The following ADAMTS16 variants were observed in gnomAD, a reference collection of about 807,000 sequenced individuals.
ADAMTS16 encodes ADAM metallopeptidase with thrombospondin type 1 motif 16.
A neutral mutation model predicts 145.8 loss-of-function variants in ADAMTS16; 94 were observed. The ratio of observed to expected loss-of-function variants is 0.64; its 90% CI spans 0.55 to 0.77. ADAMTS16 has a LOEUF of 0.77. Ranked by LOEUF, ADAMTS16 falls within the 30% of genes least tolerant of loss-of-function variation. The probability of loss-of-function intolerance (pLI) is 0.00; values close to 1 mark genes in which losing one functional copy is unlikely to be tolerated. For missense variants in ADAMTS16, 1,585 were observed against 1,591.5 expected (o/e 1.00, Z 0.07); for synonymous variants, 659 against 604.3 (o/e 1.09, Z -1.33).
At chr5:5,305,855 T>A (rs571300317) in intron 20 of ADAMTS16, among the ~76,000 whole-genome samples, 3 of 152,334 alleles carry the variant, frequency 2.0e-5, no homozygotes, top group Admixed American at 6.5e-5. Context: ...CAGTCTGTGG[T>A]GGGACAGTGT....
At chr5:5,152,414 G>A (rs952574406) in intron 3 of ADAMTS16, among the ~76,000 whole-genome samples, 3 of 152,218 alleles carry the variant, frequency 2.0e-5, no homozygotes, top group Non-Finnish European at 4.4e-5. Context: ...GGCCTGATAA[G>A]CCTGGAGAGT....
intron 3 of ADAMTS16, among the ~76,000 whole-genome samples, chr5:5,177,122 A>T (rs983286700): frequency 1.4e-4 from 21 of 152,214 alleles, no homozygotes; most frequent in African/African-American, 5.1e-4. Context: ...ATATGTGCTG[A>T]TATCACTGCA....
intron 4 of ADAMTS16, 104 bp from the exon 5 acceptor site, chr5:5,185,948 T>A: frequency 1.1e-6 from 1 of 912,982 alleles, no homozygotes; most frequent in Non-Finnish European, 1.7e-6. Context: ...GTGGTTTTTA[T>A]CATGAGTGTT....
At chr5:5,178,792 G>A (rs1735263238) in intron 3 of ADAMTS16, among the ~76,000 whole-genome samples, 1 of 152,168 alleles carries the variant, frequency 6.6e-6, no homozygotes, top group Non-Finnish European at 1.5e-5. Flanking sequence ...GGAAAGGAGA[G>A]ATGGTTCTGA....
chr5:5,230,908 T>G (rs1736901518), intron 11 of ADAMTS16, among the ~76,000 whole-genome samples: 1 of 152,198 alleles, frequency 6.6e-6, no homozygotes. Flanking sequence ...CCAAGAGAGA[T>G]TTTCCCAGAA....
chr5:5,245,555 C>T (rs138266378), intron 17 of ADAMTS16, among the ~76,000 whole-genome samples: 2 of 152,172 alleles, frequency 1.3e-5, no homozygotes, highest in African/African-American at 4.8e-5. Context: ...GAATTTGAAA[C>T]GTTTAAATCA....
At chr5:5,300,905 T>C (rs558858859) in intron 18 of ADAMTS16, among the ~76,000 whole-genome samples, 1 of 152,304 alleles carries the variant, frequency 6.6e-6, no homozygotes, top group East Asian at 1.9e-4. Context: ...CTGGATCTCC[T>C]GGAGCTTGAG....
At position 5,239,904 on chromosome 5, in the gene ADAMTS16, C is replaced by A. The variant is rs72647759; in HGVS notation, c.2502C>A (p.Thr834=). The change falls in exon 16 of 23, where the codon ACC becomes ACA. Residue 834 remains threonine (T), a synonymous_variant. Coordinates refer to ENST00000274181, the MANE Select transcript of ADAMTS16 (RefSeq NM_139056.4). The stretch of plus-strand genomic sequence containing the variant: ...AGAACTTAATCGCTACTGGACCAAC[C>A]AACGAGACACTGATTGTGGAGGTAA... The part of the protein sequence containing the change: ...EPENLIATGP[T]NETLIVELLF... The A allele has an allele frequency of 4.1e-3, 6,586 of 1,613,912 alleles. 23 individuals carry two copies. The highest frequency in any genetic ancestry group is 4.8e-3 in the Non-Finnish European group (5,669 of 1,179,986).
chr5:5,319,111 CA>C lies in ADAMTS16; in HGVS notation c.3650del (p.Lys1217ArgfsTer51). ...SHKFYGKQCCKTCSKSNL is the reference protein window; with the variant it reads ...SHKFYGKQCCXTCSKSNL Reference sequence around the variant, plus strand: ...ACAAGTTCTACGGCAAGCAGTGCTGCAAGACTTGCTCTAAGTCCAACTTGTG... The same window carrying C: ...ACAAGTTCTACGGCAAGCAGTGCTGCAGACTTGCTCTAAGTCCAACTTGTG... On this transcript the variant is annotated frameshift_variant, in exon 23 of 23. Coordinates refer to ENST00000274181, the MANE Select transcript of ADAMTS16 (RefSeq NM_139056.4). LOFTEE classifies it high-confidence loss of function. 6.2e-7 allele frequency: 1 copy of C among 1,612,426 alleles called. No individual in the cohort carries two copies. Among genetic ancestry groups the C allele is most frequent in the South Asian group, 1.1e-5 (1 of 90,536 alleles).
At chr5:5,149,622 G>A (rs1460100319) in intron 3 of ADAMTS16, among the ~76,000 whole-genome samples, 1 of 152,138 alleles carries the variant, frequency 6.6e-6, no homozygotes, top group Non-Finnish European at 1.5e-5. Context: ...GTATCATTCA[G>A]TAGTTTTTAG....
intron 18 of ADAMTS16, among the ~76,000 whole-genome samples, chr5:5,276,554 G>T (rs1738705007): frequency 6.6e-6 from 1 of 152,214 alleles, no homozygotes; most frequent in Admixed American, 6.5e-5. Context: ...GACCTATGAT[G>T]CAGAGTTCCT....
chr5:5,312,710 G>A (rs1279560348), intron 21 of ADAMTS16, among the ~76,000 whole-genome samples: 4 of 152,058 alleles, frequency 2.6e-5, no homozygotes, highest in South Asian at 2.1e-4. Context: ...CGCCCACTTC[G>A]GCTTCCCAAA....
At chr5:5,314,023 T>C (rs1331252936) in intron 21 of ADAMTS16, among the ~76,000 whole-genome samples, 1 of 152,218 alleles carries the variant, frequency 6.6e-6, no homozygotes, top group Admixed American at 6.5e-5. Flanking sequence ...GGAGTTTATA[T>C]TTGTAACCAG....
At chr5:5,259,198 A>G (rs1737907782) in intron 17 of ADAMTS16, among the ~76,000 whole-genome samples, 2 of 152,170 alleles carry the variant, frequency 1.3e-5, no homozygotes, top group African/African-American at 2.4e-5. Flanking sequence ...GTGCACAGCT[A>G]CTGTGAATCC....
chr5:5,140,574 G>A (rs759000105), intron 1 of ADAMTS16, 35 bp downstream of exon 1: 1 of 1,501,096 alleles, frequency 6.7e-7, no homozygotes, highest in South Asian at 1.3e-5. Context: ...CGCGGAAACC[G>A]CGGGTCCGGA....
chr5:5,320,071 T>A lies in ADAMTS16; in HGVS notation c.*933T>A. 3 of 329,240 alleles carry A rather than the reference T, an allele frequency of 9.1e-6. No individual in the cohort carries two copies. Among genetic ancestry groups the A allele is most frequent in the Non-Finnish European group, 1.6e-5 (3 of 182,598 alleles). 20.4% of individuals were successfully genotyped at this position (329,240 alleles called of 1,614,324 possible). A position where few individuals can be genotyped will look rare whatever the true frequency, so the allele number is the denominator to read the frequency against. On this transcript the variant is annotated 3_prime_UTR_variant, in exon 23 of 23. Coordinates refer to ENST00000274181, the MANE Select transcript of ADAMTS16 (RefSeq NM_139056.4). This position sits in a 1 kb window ranked among gnomAD's most constrained non-coding sequence, Gnocchi z 5.1. ...GAGTCCTGTGTTTTGTTTTTGTGTG[T>A]TGTGAGATTTTAATCTTTTTTTTTT...
At chr5:5,167,108 T>G (rs1165096018) in intron 3 of ADAMTS16, among the ~76,000 whole-genome samples, 1 of 152,254 alleles carries the variant, frequency 6.6e-6, no homozygotes, top group Non-Finnish European at 1.5e-5. Flanking sequence ...TCATTACCTG[T>G]TAACTTCTTA....
intron 18 of ADAMTS16, among the ~76,000 whole-genome samples, chr5:5,301,794 A>G (rs1056855866): frequency 1.3e-5 from 2 of 152,106 alleles, no homozygotes; most frequent in Non-Finnish European, 2.9e-5. Context: ...CCCTAACTCT[A>G]CTCAGCAATG....
chr5:5,193,952 A>C (rs898530408), intron 8 of ADAMTS16, among the ~76,000 whole-genome samples: 1 of 151,906 alleles, frequency 6.6e-6, no homozygotes, highest in African/African-American at 2.4e-5. Flanking sequence ...AATTTAAAAA[A>C]TTAGCCAGGC....
Sources: allele counts gnomAD v4.1 joint callset (sites outside exome capture counted in the v4.1 genomes callset), GRCh38; gene constraint gnomAD v4.1.1; non-coding constraint Gnocchi (gnomAD v3.1); transcripts MANE v1.5; gene names NCBI Gene and HGNC (gene_info 2026-07-23, HGNC 2026-07-21).